PLEKHA6: variants seen among roughly 807,000 people sequenced by gnomAD.
PLEKHA6 encodes the protein pleckstrin homology domain-containing family A member 6.
In PLEKHA6, 60 loss-of-function variants were observed where a neutral mutation model predicts 116.7. The ratio of observed to expected loss-of-function variants is 0.51; its 90% CI spans 0.42 to 0.64. PLEKHA6 has a LOEUF of 0.64. PLEKHA6 is among the 30% of genes least tolerant of loss of function. The pLI is 0.00. For synonymous variants in PLEKHA6, 489 were observed against 556.1 expected, an observed-to-expected ratio of 0.88 and a Z score of 1.70; for missense variants, 1,338 against 1,422.7, an observed-to-expected ratio of 0.94 and a Z score of 0.96.
rs1227430472 is a variant in PLEKHA6, at chr1:204,220,894, TA to T, written c.*1893del. The stretch of plus-strand genomic sequence containing the variant: ...CATGTATTTCTAAAAAATATTACTT[TA>T]AAAAAAAAAAAAGAGACGGACAAAG... On this transcript the variant is annotated 3_prime_UTR_variant, in exon 23 of 23. Coordinates refer to ENST00000272203, the MANE Select transcript of PLEKHA6 (RefSeq NM_014935.5). 2.8e-3 allele frequency: 402 copies of T among 141,736 alleles called. No homozygotes were observed. The highest frequency in any genetic ancestry group is 4.7e-3 in the African/African-American group (180 of 38,692). 8.8% of individuals were successfully genotyped at this position (141,736 alleles called of 1,614,324 possible).
intron 1 of PLEKHA6, among the ~76,000 whole-genome samples, chr1:204,337,056 T>C (rs543520498): frequency 2.0e-5 from 3 of 152,218 alleles, no homozygotes; most frequent in Non-Finnish European, 4.4e-5. Context: ...TCCCAGACTT[T>C]TCAGTTTGAA....
chr1:204,290,428 A>G (rs1669625166), intron 1 of PLEKHA6, among the ~76,000 whole-genome samples: 1 of 152,246 alleles, frequency 6.6e-6, no homozygotes, highest in African/African-American at 2.4e-5. Context: ...AATGCAAAGG[A>G]GAATGACAGG....
intron 1 of PLEKHA6, chr1:204,281,091 G>T: frequency 1.6e-6 from 1 of 606,082 alleles, no homozygotes; most frequent in Non-Finnish European, 2.1e-6. Flanking sequence ...AGAGGCAGAG[G>T]CAGGAGGATC....
At position 204,243,062 on chromosome 1, in the gene PLEKHA6, C is replaced by G. The variant is rs1423224233; in HGVS notation, c.2173-1248G>C. 5 of 399,084 alleles carry G rather than the reference C, an allele frequency of 1.3e-5. No homozygotes were observed. In the Admixed American group the frequency reaches 1.8e-4, roughly 14 times the overall value. The allele number at this position is 399,084 out of a possible 1,614,324, so 24.7% of individuals were successfully genotyped here. A position where few individuals can be genotyped will look rare whatever the true frequency, so the allele number is the denominator to read the frequency against. On this transcript the variant is annotated intron_variant, in intron 15 of 22. Transcript: ENST00000272203. The stretch of plus-strand genomic sequence containing the variant: ...CCCTGCCTTGCCCCTTGGCCTGGCC[C>G]TTTGCCCATTGTCCCCTGCCCCACC...
At chr1:204,225,341 C>T (rs187073927) in intron 21 of PLEKHA6, among the ~76,000 whole-genome samples, 14 of 152,224 alleles carry the variant, frequency 9.2e-5, no homozygotes, top group African/African-American at 3.4e-4. Context: ...CAGAAAAATA[C>T]TAAATATATA....
At chr1:204,305,465 A>C (rs1242948464) in intron 1 of PLEKHA6, among the ~76,000 whole-genome samples, 1 of 152,188 alleles carries the variant, frequency 6.6e-6, no homozygotes. Flanking sequence ...ACAGGATTGC[A>C]GGTAAACTGA....
intron 1 of PLEKHA6, among the ~76,000 whole-genome samples, chr1:204,284,991 T>G (rs751311756): frequency 1.4e-4 from 21 of 152,242 alleles, no homozygotes; most frequent in Non-Finnish European, 2.2e-4. Context: ...TGCACCAAGT[T>G]GATAGCCACT....
At chr1:204,336,841 C>A (rs998716066) in intron 1 of PLEKHA6, among the ~76,000 whole-genome samples, 5 of 152,192 alleles carry the variant, frequency 3.3e-5, no homozygotes, top group African/African-American at 9.6e-5. Context: ...TGTGACAAGT[C>A]CCCTGCTAGG....
upstream of PLEKHA6, among the ~76,000 whole-genome samples, chr1:204,361,451 C>T (rs1673557805): frequency 6.6e-6 from 1 of 152,182 alleles, no homozygotes; most frequent in South Asian, 2.1e-4. Context: ...TGGAGGAAGA[C>T]AGGGACCTAG....
chr1:204,257,727 T>G lies in PLEKHA6; in HGVS notation c.1150A>C (p.Ser384Arg). 1 of 1,613,268 alleles carries G rather than the reference T, an allele frequency of 6.2e-7. No homozygotes were observed. Among genetic ancestry groups the G allele is most frequent in the Non-Finnish European group, 8.5e-7 (1 of 1,179,692 alleles). Reference protein sequence around the residue: ...ICSMPAYDRISPPWALEDKRH... With the variant: ...ICSMPAYDRIRPPWALEDKRH... Reference sequence around the variant, plus strand: ...TTGTCCTCCAGGGCCCAGGGCGGGCTGATCCGATCATAGGCCGGCATGGAA... The same window carrying G: ...TTGTCCTCCAGGGCCCAGGGCGGGCGGATCCGATCATAGGCCGGCATGGAA... Residue 384 changes from serine (S) to arginine (R), a missense_variant, in exon 9 of 23, where the codon AGC becomes CGC. Ser to Arg is a moderately radical substitution (Grantham distance 110). Around this residue, in one of 3 missense-constraint regions of PLEKHA6, gnomAD observed 1,136 missense variants for 1,163.6 expected, o/e 0.98. Coordinates refer to ENST00000272203, the MANE Select transcript of PLEKHA6 (RefSeq NM_014935.5). The surrounding 1 kb of genome is among the most constrained non-coding windows in gnomAD (Gnocchi z 6.5).
chr1:204,241,472 A>G lies in PLEKHA6; in HGVS notation c.2312T>C (p.Val771Ala), dbSNP rs146451585. The change falls in exon 17 of 23, where the codon GTG (valine) becomes GCG (alanine). Residue 771 changes from valine to alanine, a missense_variant. Transcript: ENST00000272203. The part of the protein sequence containing the change: ...KQAALNKVGV[V>A]PPRTKSPTDD... ...AGTGGGCGATTTTGTCCGAGGGGGC[A>G]CAACGCCAACTGCAGAAAGACAGAG... 1 of 1,601,522 alleles carries G rather than the reference A, an allele frequency of 6.2e-7. No homozygotes were observed. Among genetic ancestry groups the G allele is most frequent in the Admixed American group, 1.7e-5 (1 of 58,702 alleles).
At position 204,221,574 on chromosome 1, in the gene PLEKHA6, AT is replaced by A. The variant is rs1381698795; in HGVS notation, c.*1213del. ...GATAGGCCTCCCAGATTAAGGCCTC[AT>A]CCCCCCTCCTCAAGGCGTACTCTCA... On this transcript the variant is annotated 3_prime_UTR_variant, in exon 23 of 23. Coordinates refer to ENST00000272203, the MANE Select transcript of PLEKHA6 (RefSeq NM_014935.5). 1.3e-5 allele frequency: 2 copies of A among 152,604 alleles called. No homozygotes were observed. Among genetic ancestry groups the A allele is most frequent in the Non-Finnish European group, 2.9e-5 (2 of 68,064 alleles). The allele number at this position is 152,604 out of a possible 1,614,324, so 9.5% of individuals were successfully genotyped here. A position where few individuals can be genotyped will look rare whatever the true frequency, so the allele number is the denominator to read the frequency against.
In PLEKHA6 at chr1:204,244,900, G is replaced by A. The variant is rs1403464716; in HGVS notation, c.2136C>T (p.Gly712=). Residue 712 remains glycine (G), a synonymous_variant, in exon 15 of 23, where the codon GGC becomes GGT. Transcript: ENST00000272203. ...CAGGCTTGGTGGGGGACCCCTGAGA[G>A]CCCGACACCAGTGAAAAGGGGCTCA... ...SPLSPFSLVS[G]SQGSPTKPGS... 6.4e-7 allele frequency: 1 copy of A among 1,557,290 alleles called. No individual in the cohort carries two copies. Among genetic ancestry groups the A allele is most frequent in the Admixed American group, 1.9e-5 (1 of 53,470 alleles).
At chr1:204,227,515 C>G (rs1406283791) in intron 21 of PLEKHA6, among the ~76,000 whole-genome samples, 1 of 152,160 alleles carries the variant, frequency 6.6e-6, no homozygotes, top group Non-Finnish European at 1.5e-5. Flanking sequence ...GACCTGGTAG[C>G]CTTTGTATCA....
intron 7 of PLEKHA6, among the ~76,000 whole-genome samples, chr1:204,260,885 G>A (rs987272708): frequency 6.6e-6 from 1 of 152,242 alleles, no homozygotes; most frequent in African/African-American, 2.4e-5. Flanking sequence ...TTGAGCAGAG[G>A]AACCTCGGGT....
At chr1:204,282,510 A>G in intron 1 of PLEKHA6, 1 of 395,418 alleles carries the variant, frequency 2.5e-6, no homozygotes, top group Non-Finnish European at 3.4e-6. Context: ...ACCTCCTCAC[A>G]TCTCCATGAC....
chr1:204,368,349 G>A (rs776169066), intron 2 of PLEKHA6: 8 of 152,248 alleles, frequency 5.3e-5, no homozygotes, highest in East Asian at 1.9e-4. Context: ...CCAGGCCAGC[G>A]TTATGGCCAT....
At chr1:204,371,720 G>T (rs1253141306) in intron 1 of PLEKHA6, 1 of 152,218 alleles carries the variant, frequency 6.6e-6, no homozygotes, top group East Asian at 1.9e-4. Context: ...CATGAGATGA[G>T]AGCATCCACA....
chr1:204,362,919 C>T (rs1180052343), upstream of PLEKHA6, among the ~76,000 whole-genome samples: 1 of 152,220 alleles, frequency 6.6e-6, no homozygotes, highest in Non-Finnish European at 1.5e-5. Flanking sequence ...AATTACTTGA[C>T]TATCCAGCCT....
Sources: gnomAD v4.1 joint callset for allele counts (sites outside exome capture counted in the v4.1 genomes callset) on GRCh38, gnomAD v4.1.1 for gene constraint, gnomAD v4.1.1 regional missense constraint, Gnocchi (gnomAD v3.1) non-coding constraint, MANE v1.5 for transcripts, NCBI Gene and HGNC (gene_info 2026-07-23, HGNC 2026-07-21) for gene names.